Variants in CFAP97 observed in about 807,000 individuals in gnomAD.
CFAP97 encodes cilia- and flagella-associated protein 97.
Under a neutral mutation model 43.1 loss-of-function variants are expected in CFAP97, and 36 were observed. The observed-to-expected ratio is 0.84, with a 90% confidence interval of 0.64 to 1.10. CFAP97 has a LOEUF of 1.10. Ranked by LOEUF, CFAP97 falls within the 50% of genes least tolerant of loss-of-function variation. The pLI is 0.00. For missense variants in CFAP97, 657 were observed against 620.3 expected (o/e 1.06, Z -0.63); for synonymous variants, 228 against 225.7 (o/e 1.01, Z -0.09).
chr4:185,190,761 G>A lies in CFAP97; in HGVS notation c.436C>T (p.His146Tyr), dbSNP rs562765995. ...GGTTTAGCGGACTTGGACTTCACAT[G>A]GTATTTCTTCCCATCATCACTGCTT... Reference protein sequence around the residue: ...EESSDDGKKYHVKSKSAKPST... With the variant: ...EESSDDGKKYYVKSKSAKPST... The change falls in exon 2 of 5, where the codon CAT becomes TAT. Residue 146 changes from histidine (H) to tyrosine (Y), a missense_variant. His to Tyr is a moderately conservative substitution (Grantham distance 83). Coordinates refer to ENST00000458385, the MANE Select transcript of CFAP97 (RefSeq NM_020827.3). 38 of 1,598,060 alleles carry A rather than the reference G, an allele frequency of 2.4e-5. No individual in the cohort carries two copies. In the South Asian group the frequency reaches 3.7e-4, roughly 16 times the overall value.
intron 3 of CFAP97, among the ~76,000 whole-genome samples, chr4:185,167,998 C>CAAAAAAAAAAAAAAAAAAAAAAA (rs1195340198): frequency 1.8e-5 from 1 of 54,722 alleles, no homozygotes; most frequent in Non-Finnish European, 4.3e-5. Flanking sequence ...GACTCCTTCT[C>CAAAAAAAAAAAAAAAAAAAAAAA]AAAAAAAAAA....
intron 2 of CFAP97, among the ~76,000 whole-genome samples, chr4:185,178,764 C>T (rs765080451): frequency 5.3e-5 from 8 of 152,084 alleles, no homozygotes; most frequent in Non-Finnish European, 1.2e-4. Flanking sequence ...ACAGGTGGAC[C>T]AGCTTTGGGA....
upstream of CFAP97, chr4:185,209,895 C>G (rs1277915420): frequency 3.1e-6 from 3 of 983,252 alleles, no homozygotes; most frequent in East Asian, 3.4e-4. The surrounding 1 kb of genome is among the most constrained non-coding windows in gnomAD (Gnocchi z 5.2). Flanking sequence ...GCGCCGGCGG[C>G]CGTCCTGTCT....
At position 185,161,283 on chromosome 4, in the gene CFAP97, C is replaced by A. The variant is rs1011691385; in HGVS notation, c.*1515G>T. 1 of 152,116 alleles carries A rather than the reference C, an allele frequency of 6.6e-6. No homozygotes were observed. Among genetic ancestry groups the A allele is most frequent in the African/African-American group, 2.4e-5 (1 of 41,426 alleles). The allele number at this position is 152,116 out of a possible 1,614,324, so 9.4% of individuals were successfully genotyped here. A position where few individuals can be genotyped will look rare whatever the true frequency, so the allele number is the denominator to read the frequency against. The stretch of plus-strand genomic sequence containing the variant: ...ACCTCACTGTGCCCATGTTCACAGG[C>A]CTGATCCTTAACAAAATCTATGAAT... On this transcript the variant is annotated 3_prime_UTR_variant, in exon 5 of 5. Coordinates refer to ENST00000458385, the MANE Select transcript of CFAP97 (RefSeq NM_020827.3).
Position 185,164,045 on chromosome 4 carries a change from G to C in CFAP97, c.1455C>G (p.Gly485=), listed in dbSNP as rs192535892. 6.2e-7 allele frequency: 1 copy of C among 1,613,710 alleles called. No homozygotes were observed. The highest frequency in any genetic ancestry group is 2.2e-5 in the East Asian group (1 of 44,878). ...PLSRRARSTL[G]QYSPLRASRT... ...AATGCTTACTTAATGGGCTATATTGGCCAAGAGTGGATCTGGCCCGTCTTG... is the reference window on the plus strand; with the variant it reads ...AATGCTTACTTAATGGGCTATATTGCCCAAGAGTGGATCTGGCCCGTCTTG... The change falls in exon 4 of 5, where the codon GGC becomes GGG. Residue 485 remains glycine (G), a synonymous_variant. Transcript: ENST00000458385.
chr4:185,177,033 A>G (rs779221491), intron 2 of CFAP97, among the ~76,000 whole-genome samples: 27 of 152,216 alleles, frequency 1.8e-4, no homozygotes, highest in Non-Finnish European at 2.8e-4. Flanking sequence ...ATAATTATCA[A>G]TAAGTGCAAT....
chr4:185,164,058 C>A lies in CFAP97; in HGVS notation c.1442G>T (p.Arg481Ile), dbSNP rs546564830. The change falls in exon 4 of 5, where the codon AGA (arginine) becomes ATA (isoleucine). Residue 481 changes from arginine (R) to isoleucine (I), a missense_variant. Physicochemically the swap from Arg to Ile is moderately conservative, Grantham distance 97. Coordinates refer to ENST00000458385, the MANE Select transcript of CFAP97 (RefSeq NM_020827.3). ...TGGGCTATATTGGCCAAGAGTGGAT[C>A]TGGCCCGTCTTGACAATGGTGATGA... is the stretch of plus-strand genomic sequence containing the variant. ...LNSSPLSRRA[R>I]STLGQYSPLR... The A allele has an allele frequency of 8.1e-6, 13 of 1,613,836 alleles. No homozygotes were observed. The highest frequency in any genetic ancestry group is 1.1e-5 in the Non-Finnish European group (13 of 1,179,868).
chr4:185,190,843 A>G lies in CFAP97; in HGVS notation c.354T>C (p.Asn118=), dbSNP rs1286875205. 3.7e-6 allele frequency: 6 copies of G among 1,610,378 alleles called. No homozygotes were observed. Among genetic ancestry groups the G allele is most frequent in the African/African-American group, 2.7e-5 (2 of 74,884 alleles). Residue 118 remains asparagine, a synonymous_variant, in exon 2 of 5, where the codon AAT becomes AAC. Coordinates refer to ENST00000458385, the MANE Select transcript of CFAP97 (RefSeq NM_020827.3). ...CTTCTTTTACAATTTTGGGAATTCT[A>G]TTTGGAATGGACACGTGTATTTTAA... is the stretch of plus-strand genomic sequence containing the variant. ...TGLKIHVSIP[N]RIPKIVKEGE...
At chr4:185,209,635 C>G (rs1261756270), upstream of CFAP97, 1 of 656,316 alleles carries the variant, frequency 1.5e-6, no homozygotes, top group Non-Finnish European at 1.9e-6. This position sits in a 1 kb window ranked among gnomAD's most constrained non-coding sequence, Gnocchi z 5.2. Context: ...TGCGCCCGGC[C>G]CGGCAGCTAC....
intron 3 of CFAP97, chr4:185,169,920 A>T: frequency 1.0e-6 from 1 of 994,214 alleles, no homozygotes; most frequent in Non-Finnish European, 1.2e-6. Context: ...AGTATACATT[A>T]TTTCAAGATC....
chr4:185,192,568 C>A (rs1321803900), intron 1 of CFAP97, among the ~76,000 whole-genome samples: 1 of 151,742 alleles, frequency 6.6e-6, no homozygotes, highest in African/African-American at 2.4e-5. Flanking sequence ...TTTTAATACT[C>A]CATACAGTTA....
chr4:185,168,089 A>C (rs1735141478), intron 3 of CFAP97, among the ~76,000 whole-genome samples: 1 of 151,758 alleles, frequency 6.6e-6, no homozygotes, highest in Admixed American at 6.6e-5. Flanking sequence ...CAACAGTATT[A>C]TCTTCCCAGC....
At chr4:185,197,102 T>TA (rs60986571) in intron 1 of CFAP97, among the ~76,000 whole-genome samples, 46,191 of 86,616 alleles carry the variant, frequency 0.53, 12,422 homozygotes, top group Non-Finnish European at 0.59. Flanking sequence ...CCCTCTTAAT[T>TA]AAAAAAAAAA....
intron 2 of CFAP97, among the ~76,000 whole-genome samples, chr4:185,187,822 G>T (rs79548392): frequency 0.015 from 2,233 of 152,046 alleles, 34 homozygotes; most frequent in Middle Eastern, 0.061. Flanking sequence ...TTCTCTAGGT[G>T]ATATTAATGC....
At chr4:185,191,338 A>T in intron 1 of CFAP97, 126 bp from the exon 2 acceptor site, 1 of 668,696 alleles carries the variant, frequency 1.5e-6, no homozygotes. Flanking sequence ...ACATTATAAA[A>T]ACAACAACAA....
intron 1 of CFAP97, among the ~76,000 whole-genome samples, chr4:185,202,651 C>T (rs1221761704): frequency 6.6e-6 from 1 of 152,122 alleles, no homozygotes; most frequent in African/African-American, 2.4e-5. Context: ...CACAACTATG[C>T]CTTTATCTGC....
In CFAP97 at chr4:185,190,453, A is replaced by C; in HGVS notation, c.744T>G (p.Ser248=). 6.2e-7 allele frequency: 1 copy of C among 1,613,904 alleles called. No individual in the cohort carries two copies. The highest frequency in any genetic ancestry group is 8.5e-7 in the Non-Finnish European group (1 of 1,179,840). ...GACTTACGTCAGTCACAGTATCTTC[A>C]GACTCCTCAGGGTAGTGGCCACATT... The part of the protein sequence containing the change: ...TPKCGHYPEE[S]EDTVTDVSPL... Residue 248 remains serine, a synonymous_variant, in exon 2 of 5, where the codon TCT becomes TCG. Transcript: ENST00000458385.
At chr4:185,178,413 A>G (rs1287814260) in intron 2 of CFAP97, among the ~76,000 whole-genome samples, 1 of 151,600 alleles carries the variant, frequency 6.6e-6, no homozygotes, top group Non-Finnish European at 1.5e-5. Context: ...ACGCCCGGCT[A>G]ATTTTTGTAT....
chr4:185,169,073 C>A (rs1269638959), intron 3 of CFAP97: 1 of 152,154 alleles, frequency 6.6e-6, no homozygotes, highest in African/African-American at 2.4e-5. Flanking sequence ...GTGAGAACAC[C>A]TAAGATCTAG....
Sources: gnomAD v4.1 joint callset for allele counts (sites outside exome capture counted in the v4.1 genomes callset) on GRCh38, gnomAD v4.1.1 for gene constraint, Gnocchi (gnomAD v3.1) non-coding constraint, MANE v1.5 for transcripts, NCBI Gene and HGNC (gene_info 2026-07-23, HGNC 2026-07-21) for gene names.